Variants in MICU1 observed in about 807,000 individuals in gnomAD.
The protein encoded by MICU1 is mitochondrial calcium uptake 1, also known as calcium uptake protein 1, mitochondrial.
A neutral mutation model predicts 56.8 loss-of-function variants in MICU1; 45 were observed. That is an observed-to-expected ratio of 0.79 (90% confidence interval 0.62 to 1.02). The LOEUF is 1.02. Ranked by LOEUF, MICU1 falls within the 50% of genes least tolerant of loss-of-function variation. The pLI, the probability that MICU1 is intolerant of heterozygous loss-of-function variation, is 0.00. For synonymous variants in MICU1, 186 were observed against 195.1 expected (o/e 0.95, Z 0.39); for missense variants, 504 against 587.1 (o/e 0.86, Z 1.46).
rs149105081 is a variant in MICU1 at position 72,515,960 on chromosome 10, T to A, written c.538-7691A>T. Among the ~76,000 whole-genome samples the A allele has an allele frequency of 1.7e-3, 262 of 152,342 alleles. 1 individual carries two copies. The highest frequency in any genetic ancestry group is 6.1e-3 in the African/African-American group (253 of 41,580). On this transcript the variant is annotated intron_variant, in intron 5 of 11. Transcript: ENST00000361114. Reference sequence around the variant, plus strand: ...GTCCTGCTTCTTTGGCTCAGCATAATGTGGGGAAGATTCATCCACACTGTA... The same window carrying A: ...GTCCTGCTTCTTTGGCTCAGCATAAAGTGGGGAAGATTCATCCACACTGTA...
intron 3 of MICU1, among the ~76,000 whole-genome samples, chr10:72,560,682 T>C (rs1023822587): frequency 5.3e-5 from 8 of 152,168 alleles, no homozygotes; most frequent in Admixed American, 2.6e-4. Flanking sequence ...CCAGTCTGGC[T>C]AACATGGTGA....
chr10:72,612,944 AT>A (rs1295648767), intron 1 of MICU1, among the ~76,000 whole-genome samples: 8 of 152,156 alleles, frequency 5.3e-5, no homozygotes, highest in Non-Finnish European at 1.2e-4. Flanking sequence ...GTAAGACAAA[AT>A]CCATAATATA....
intron 8 of MICU1, among the ~76,000 whole-genome samples, chr10:72,434,879 T>A (rs930123766): frequency 3.3e-5 from 5 of 152,152 alleles, no homozygotes; most frequent in Non-Finnish European, 7.4e-5. Flanking sequence ...GTTGGAAATT[T>A]AGCTTGTTCA....
intron 6 of MICU1, among the ~76,000 whole-genome samples, chr10:72,500,302 A>ATTTTTTT (rs542725786): frequency 5.6e-4 from 6 of 10,656 alleles, no homozygotes; most frequent in Admixed American, 1.9e-3. Flanking sequence ...ATATATATAT[A>ATTTTTTT]TTTTTTTTTT....
intron 5 of MICU1, among the ~76,000 whole-genome samples, chr10:72,526,078 ATT>A (rs893888573): frequency 6.7e-6 from 1 of 148,176 alleles, no homozygotes; most frequent in African/African-American, 2.5e-5. Flanking sequence ...CCAAAGCCAG[ATT>A]TTTTTTTTTA....
intron 3 of MICU1, among the ~76,000 whole-genome samples, chr10:72,561,591 C>A (rs934709526): frequency 6.6e-6 from 1 of 152,218 alleles, no homozygotes; most frequent in Non-Finnish European, 1.5e-5. Context: ...GCAGACGGAT[C>A]ACCTGAAGTC....
intron 11 of MICU1, among the ~76,000 whole-genome samples, chr10:72,371,979 C>G (rs55734331): frequency 6.6e-6 from 1 of 151,416 alleles, no homozygotes; most frequent in Non-Finnish European, 1.5e-5. Context: ...TTGCTTGAGT[C>G]TGAAAGGCGG....
intron 10 of MICU1, among the ~76,000 whole-genome samples, chr10:72,388,352 C>T: frequency 6.6e-6 from 1 of 152,210 alleles, no homozygotes. Flanking sequence ...AACTTTCTTG[C>T]TACATGACTT....
chr10:72,437,458 C>T (rs1019740933), intron 8 of MICU1, among the ~76,000 whole-genome samples: 3 of 152,114 alleles, frequency 2.0e-5, no homozygotes, highest in Admixed American at 2.0e-4. Context: ...ATTGTAAAGA[C>T]CATTGATTAG....
intron 4 of MICU1, among the ~76,000 whole-genome samples, chr10:72,534,782 A>G (rs2132412534): frequency 6.6e-6 from 1 of 152,184 alleles, no homozygotes; most frequent in South Asian, 2.1e-4. Flanking sequence ...CTCATCTTCC[A>G]GAAGCCAGCC....
At chr10:72,456,817 T>C (rs929222375) in intron 8 of MICU1, among the ~76,000 whole-genome samples, 1 of 150,964 alleles carries the variant, frequency 6.6e-6, no homozygotes, top group African/African-American at 2.4e-5. Flanking sequence ...GCTTCCCAAG[T>C]AGCTGGGATG....
At chr10:72,587,898 A>G (rs960974168) in intron 1 of MICU1, among the ~76,000 whole-genome samples, 1 of 152,218 alleles carries the variant, frequency 6.6e-6, no homozygotes, top group African/African-American at 2.4e-5. Flanking sequence ...TTTTAAACTG[A>G]GGCTTCTCCT....
chr10:72,440,771 T>C (rs898905789), intron 8 of MICU1, among the ~76,000 whole-genome samples: 16 of 152,154 alleles, frequency 1.1e-4, no homozygotes, highest in African/African-American at 1.7e-4. Flanking sequence ...AAAGAAGACA[T>C]CTATACAGCC....
chr10:72,375,199 C>T (rs1185236788), intron 11 of MICU1, among the ~76,000 whole-genome samples: 1 of 152,138 alleles, frequency 6.6e-6, no homozygotes, highest in Non-Finnish European at 1.5e-5. Context: ...AACTTTCTGG[C>T]TCATAGTAAG....
intron 6 of MICU1, among the ~76,000 whole-genome samples, chr10:72,503,983 A>G (rs1317031483): frequency 6.6e-6 from 1 of 152,138 alleles, no homozygotes; most frequent in Non-Finnish European, 1.5e-5. Flanking sequence ...GAAATCAGAA[A>G]TGATACAACC....
chr10:72,565,692 TG>T (rs1199207655), intron 2 of MICU1, among the ~76,000 whole-genome samples: 4 of 150,248 alleles, frequency 2.7e-5, no homozygotes, highest in African/African-American at 7.3e-5. Context: ...CAGCCGGGCA[TG>T]GTGGTGCACA....
At chr10:72,484,741 C>A (rs927294001) in intron 6 of MICU1, among the ~76,000 whole-genome samples, 2 of 152,094 alleles carry the variant, frequency 1.3e-5, no homozygotes, top group Non-Finnish European at 2.9e-5. Flanking sequence ...GGCAACATAG[C>A]GAGACCCTCT....
intron 5 of MICU1, among the ~76,000 whole-genome samples, chr10:72,509,207 G>A (rs539574768): frequency 2.6e-5 from 4 of 152,234 alleles, no homozygotes; most frequent in East Asian, 1.9e-4. Context: ...AAATATTTAA[G>A]GAATTATTTT....
At chr10:72,622,741 C>G (rs1280119423) in intron 1 of MICU1, among the ~76,000 whole-genome samples, 1 of 151,956 alleles carries the variant, frequency 6.6e-6, no homozygotes, top group Non-Finnish European at 1.5e-5. Context: ...ATTGTATTTT[C>G]GATAATGTTT....
Sources: gnomAD v4.1 joint callset for allele counts (sites outside exome capture counted in the v4.1 genomes callset) on GRCh38, gnomAD v4.1.1 for gene constraint, MANE v1.5 for transcripts, NCBI Gene and HGNC (gene_info 2026-07-23, HGNC 2026-07-21) for gene names.